The following SHCBP1L variants were observed in gnomAD, a reference collection of about 807,000 sequenced individuals.
SHCBP1L encodes SHC binding and spindle associated 1 like.
Under a neutral mutation model 62.5 loss-of-function variants are expected in SHCBP1L, and 67 were observed. That is an observed-to-expected ratio of 1.07 (90% CI 0.88 to 1.31). The LOEUF (loss-of-function observed/expected upper bound fraction) is 1.31. SHCBP1L is among the 40% of genes most tolerant of loss of function. SHCBP1L has a pLI of 0.00. For synonymous variants in SHCBP1L, 284 were observed against 289.4 expected (o/e 0.98, Z 0.19); for missense variants, 823 against 809.8 (o/e 1.02, Z -0.20).
chr1:182,913,676 TCAAA>T (rs1358958319), intron 6 of SHCBP1L, among the ~76,000 whole-genome samples: 2 of 152,078 alleles, frequency 1.3e-5, no homozygotes, highest in Non-Finnish European at 2.9e-5. Flanking sequence ...AATATTATAA[TCAAA>T]CAATTAAAAT....
At chr1:182,912,875 G>A (rs779882674) in intron 6 of SHCBP1L, among the ~76,000 whole-genome samples, 26 of 151,526 alleles carry the variant, frequency 1.7e-4, no homozygotes, top group African/African-American at 3.9e-4. Context: ...TGTGGCTCAC[G>A]CCTGTAATCC....
intron 2 of SHCBP1L, 112 bp downstream of exon 2, chr1:182,951,206 A>G: frequency 1.2e-6 from 1 of 817,204 alleles, no homozygotes; most frequent in Non-Finnish European, 1.7e-6. Flanking sequence ...AACTTAAAAC[A>G]GAAGTAAAAA....
chr1:182,915,829 C>G (rs546350496), intron 6 of SHCBP1L, among the ~76,000 whole-genome samples: 2 of 137,272 alleles, frequency 1.5e-5, no homozygotes, highest in Non-Finnish European at 3.1e-5. Context: ...TTTTTTGAGA[C>G]GGAGTCTCAC....
chr1:182,942,988 T>A (rs1383857101), intron 2 of SHCBP1L, among the ~76,000 whole-genome samples: 2 of 152,158 alleles, frequency 1.3e-5, no homozygotes, highest in African/African-American at 2.4e-5. Context: ...GAAAATAGAA[T>A]AACAACTTAA....
rs1044323070 is a variant in SHCBP1L at position 182,939,686 on chromosome 1, G to A, written c.771-133C>T. 4.5e-6 allele frequency: 3 copies of A among 661,284 alleles called. No homozygotes were observed. In the African/African-American group the frequency reaches 5.6e-5, roughly 12 times the overall value. 41.0% of individuals were successfully genotyped at this position (661,284 alleles called of 1,614,324 possible). A position where few individuals can be genotyped will look rare whatever the true frequency, so the allele number is the denominator to read the frequency against. ...AGCAAAATATTTTAAAATGACCTTT[G>A]AGTGAACTAAAAGGTAAAACTTCAA... On this transcript the variant is annotated intron_variant, in intron 3 of 9. Coordinates refer to ENST00000367547, the MANE Select transcript of SHCBP1L (RefSeq NM_030933.4).
At chr1:182,924,776 GAAAGAAAGAAAGAGAGA>G (rs1650650240) in intron 6 of SHCBP1L, among the ~76,000 whole-genome samples, 2 of 89,670 alleles carry the variant, frequency 2.2e-5, no homozygotes, top group African/African-American at 1.9e-4. Flanking sequence ...AAGAAAGAAA[GAAAGAAAGAAAGAGAGA>G]AAGAAAGGAA....
chr1:182,916,986 C>T (rs1450707198), intron 6 of SHCBP1L, among the ~76,000 whole-genome samples: 1 of 151,974 alleles, frequency 6.6e-6, no homozygotes, highest in African/African-American at 2.4e-5. Flanking sequence ...TAACAAACCC[C>T]CATGACACGA....
Position 182,952,767 on chromosome 1 carries a change from CCTT to C in SHCBP1L, c.364_366del (p.Lys122del), listed in dbSNP as rs1558007845. ...AGCACTTCGTCGCAATACAGCGACA[CCTT>C]CTCGTCCCGCCACATCCCCCTCATA... On this transcript the variant is annotated inframe_deletion, in exon 1 of 10. Transcript: ENST00000367547. 6.2e-7 allele frequency: 1 copy of C among 1,612,014 alleles called. No individual in the cohort carries two copies. Among genetic ancestry groups the C allele is most frequent in the Admixed American group, 1.7e-5 (1 of 59,916 alleles).
At chr1:182,929,896 G>C in intron 5 of SHCBP1L, 144 bp from the exon 6 acceptor site, 1 of 584,508 alleles carries the variant, frequency 1.7e-6, no homozygotes, top group Non-Finnish European at 2.9e-6. Context: ...TGAGCAACTT[G>C]AGAGCAATGT....
Position 182,929,671 on chromosome 1 carries a change from T to G in SHCBP1L, c.1158A>C (p.Val386=). The G allele has an allele frequency of 1.3e-6, 2 of 1,575,026 alleles. No homozygotes were observed. Among genetic ancestry groups the G allele is most frequent in the Non-Finnish European group, 1.7e-6 (2 of 1,168,102 alleles). ...CCATTTCAGTAGTCATCATTTTTGC[T>G]ACAATATGTGTTATAGTCTTTCCAA... ...REFGKTITHI[V]AKMMTTEMIK... Residue 386 remains valine, a synonymous_variant, in exon 6 of 10, where the codon GTA becomes GTC. Coordinates refer to ENST00000367547, the MANE Select transcript of SHCBP1L (RefSeq NM_030933.4).
In SHCBP1L at chr1:182,941,064, A is replaced by T. The variant is rs144242311; in HGVS notation, c.556-521T>A. Among the ~76,000 whole-genome samples the T allele has an allele frequency of 1.4e-4, 21 of 152,260 alleles. 1 individual carries two copies. The East Asian group carries it at 4.0e-3, about 29-fold the overall frequency. On this transcript the variant is annotated intron_variant, in intron 2 of 9. Coordinates refer to ENST00000367547, the MANE Select transcript of SHCBP1L (RefSeq NM_030933.4). ...ACAAATTTTGCCATAAAAGCATGTTAAATATAATAAATCATAATTATAAGC... is the reference window on the plus strand; with the variant it reads ...ACAAATTTTGCCATAAAAGCATGTTTAATATAATAAATCATAATTATAAGC...
intron 6 of SHCBP1L, among the ~76,000 whole-genome samples, chr1:182,918,324 A>G (rs902753042): frequency 2.0e-5 from 3 of 151,512 alleles, no homozygotes; most frequent in African/African-American, 7.3e-5. Flanking sequence ...TGAAGGATGC[A>G]AAATCAGAAC....
intron 6 of SHCBP1L, among the ~76,000 whole-genome samples, chr1:182,910,568 T>C (rs1301403520): frequency 6.6e-6 from 1 of 152,192 alleles, no homozygotes; most frequent in African/African-American, 2.4e-5. Flanking sequence ...CAAGCAAGAT[T>C]CCTCAGACGA....
chr1:182,905,700 A>T (rs1312600289), intron 6 of SHCBP1L, 51 bp from the exon 7 acceptor site: 2 of 1,549,562 alleles, frequency 1.3e-6, no homozygotes, highest in Non-Finnish European at 8.8e-7. Flanking sequence ...AAACTGAAAC[A>T]TGTCATTTTA....
chr1:182,951,495 A>G, intron 1 of SHCBP1L, 28 bp from the exon 2 acceptor site: 1 of 1,458,764 alleles, frequency 6.9e-7, no homozygotes, highest in South Asian at 1.5e-5. Context: ...GGATCTACAT[A>G]TAAATATATG....
intron 6 of SHCBP1L, among the ~76,000 whole-genome samples, chr1:182,913,841 T>A (rs1400958193): frequency 6.6e-6 from 1 of 152,084 alleles, no homozygotes; most frequent in Non-Finnish European, 1.5e-5. Flanking sequence ...ATTAACCAGA[T>A]GTGGTGCCAC....
chr1:182,927,390 C>T (rs902752518), intron 6 of SHCBP1L, among the ~76,000 whole-genome samples: 10 of 151,816 alleles, frequency 6.6e-5, no homozygotes, highest in Admixed American at 2.0e-4. Context: ...ACATGCACAG[C>T]AGCCGGGCGC....
At chr1:182,947,563 T>C (rs905237779) in intron 2 of SHCBP1L, among the ~76,000 whole-genome samples, 1 of 152,200 alleles carries the variant, frequency 6.6e-6, no homozygotes, top group Admixed American at 6.5e-5. Flanking sequence ...TCCACTTATA[T>C]GCGTATTTTC....
chr1:182,900,295 A>C, intron 9 of SHCBP1L, 61 bp from the exon 10 acceptor site: 1 of 1,343,188 alleles, frequency 7.4e-7, no homozygotes, highest in South Asian at 1.6e-5. Flanking sequence ...TGAAGTAATG[A>C]ACATATAAAA....
Sources: gnomAD v4.1 joint callset for allele counts (sites outside exome capture counted in the v4.1 genomes callset) on GRCh38, gnomAD v4.1.1 for gene constraint, MANE v1.5 for transcripts, NCBI Gene and HGNC (gene_info 2026-07-23, HGNC 2026-07-21) for gene names.